The following NRDC variants were observed in gnomAD, a reference collection of about 807,000 sequenced individuals.
NRDC encodes nardilysin convertase.
NRDC carries 54 observed loss-of-function variants against 147.1 expected under a neutral mutation model. The observed-to-expected ratio is 0.37, with a 90% confidence interval of 0.29 to 0.46. The LOEUF is 0.46. Ranked by LOEUF, NRDC falls within the 20% of genes least tolerant of loss-of-function variation. The probability of loss-of-function intolerance (pLI) is 1.00; values close to 1 mark genes in which losing one functional copy is unlikely to be tolerated. For synonymous variants in NRDC, 440 were observed against 482.1 expected (o/e 0.91, Z 1.14); for missense variants, 1,082 against 1,370.6 (o/e 0.79, Z 3.33).
intron 1 of NRDC, among the ~76,000 whole-genome samples, chr1:51,866,358 ATC>A (rs1486769581): frequency 6.6e-6 from 1 of 152,236 alleles, no homozygotes; most frequent in Non-Finnish European, 1.5e-5. Flanking sequence ...TAATGGCAAT[ATC>A]TAGTGAGGTT....
chr1:51,847,246 C>A (rs1041830942), intron 1 of NRDC, among the ~76,000 whole-genome samples: 5 of 152,194 alleles, frequency 3.3e-5, no homozygotes, highest in Non-Finnish European at 5.9e-5. Flanking sequence ...ACTGGTGTAT[C>A]CACAATCCCC....
At chr1:51,866,253 T>A (rs1278359825) in intron 1 of NRDC, among the ~76,000 whole-genome samples, 1 of 151,958 alleles carries the variant, frequency 6.6e-6, no homozygotes, top group Non-Finnish European at 1.5e-5. Flanking sequence ...ACTAACAGTA[T>A]CAATAACTGC....
At chr1:51,872,889 G>GA (rs537625393) in intron 1 of NRDC, among the ~76,000 whole-genome samples, 176 of 150,410 alleles carry the variant, frequency 1.2e-3, no homozygotes, top group African/African-American at 4.3e-3. Context: ...CAAGACAAGT[G>GA]AGAGTGCAAA....
chr1:51,805,535 G>A lies in NRDC; in HGVS notation c.2137C>T (p.Pro713Ser). Residue 713 changes from proline to serine, a missense_variant, in exon 19 of 31, where the codon CCG (proline) becomes TCG (serine). Pro to Ser is a moderately conservative substitution (Grantham distance 74). Coordinates refer to ENST00000352171, the MANE Select transcript of NRDC (RefSeq NM_001101662.2). Reference protein sequence around the residue: ...KAYIRFHLISPLIQKSAANVV... With the variant: ...KAYIRFHLISSLIQKSAANVV... Reference sequence around the variant, plus strand: ...TTTGCTGCAGATTTCTGTATCAACGGTGAAATTAGATGGAAACGTATATAT... The same window carrying A: ...TTTGCTGCAGATTTCTGTATCAACGATGAAATTAGATGGAAACGTATATAT... The A allele has an allele frequency of 2.5e-6, 4 of 1,586,392 alleles. No individual in the cohort carries two copies. Among genetic ancestry groups the A allele is most frequent in the South Asian group, 1.2e-5 (1 of 84,470 alleles).
chr1:51,827,422 C>A lies in NRDC; in HGVS notation c.940+374G>T, dbSNP rs149145741. On this transcript the variant is annotated intron_variant, in intron 5 of 30. Transcript: ENST00000352171. Reference sequence around the variant, plus strand: ...AAATAAATCAAGCAGGGATAATATACAATGGTGATATTTATTGGTACTATG... The same window carrying A: ...AAATAAATCAAGCAGGGATAATATAAAATGGTGATATTTATTGGTACTATG... 4.4e-3 allele frequency among the ~76,000 whole-genome samples: 664 copies of A among 152,196 alleles called. 26 individuals carry two copies. In the South Asian group the frequency reaches 0.087, roughly 20 times the overall value.
chr1:51,850,819 G>A (rs1056375604), intron 1 of NRDC, among the ~76,000 whole-genome samples: 2 of 152,140 alleles, frequency 1.3e-5, no homozygotes, highest in Non-Finnish European at 2.9e-5. Flanking sequence ...TCATAGGGGA[G>A]GTCAGAATTT....
At chr1:51,846,109 CTT>C in intron 1 of NRDC, among the ~76,000 whole-genome samples, 1 of 150,308 alleles carries the variant, frequency 6.7e-6, no homozygotes, top group African/African-American at 2.5e-5. Flanking sequence ...ATATTTTACA[CTT>C]TATAATTTTT....
At chr1:51,829,895 T>C (rs1680623987) in intron 4 of NRDC, among the ~76,000 whole-genome samples, 1 of 152,104 alleles carries the variant, frequency 6.6e-6, no homozygotes, top group Non-Finnish European at 1.5e-5. Flanking sequence ...CTTTTCATTT[T>C]ACAAATTTCC....
intron 1 of NRDC, among the ~76,000 whole-genome samples, chr1:51,857,667 A>C (rs1377862076): frequency 6.6e-6 from 1 of 152,216 alleles, no homozygotes; most frequent in Non-Finnish European, 1.5e-5. Context: ...TTTGGAAGTC[A>C]CAACAGAAAC....
chr1:51,810,045 A>G (rs1679642597), intron 16 of NRDC, among the ~76,000 whole-genome samples: 1 of 152,364 alleles, frequency 6.6e-6, no homozygotes, highest in African/African-American at 2.4e-5. Flanking sequence ...TTCTAAAACT[A>G]AGTCAAAACT....
chr1:51,807,184 T>C (rs1679507404), intron 17 of NRDC, among the ~76,000 whole-genome samples: 1 of 152,220 alleles, frequency 6.6e-6, no homozygotes, highest in South Asian at 2.1e-4. Flanking sequence ...CAATTTTAAC[T>C]GAGAGAGGAG....
At chr1:51,839,159 T>C (rs954970687) in intron 2 of NRDC, among the ~76,000 whole-genome samples, 2 of 116,772 alleles carry the variant, frequency 1.7e-5, no homozygotes, top group East Asian at 1.1e-3. Flanking sequence ...TTTTTCTTTT[T>C]CTTTTTTTTT....
At chr1:51,800,832 G>C in intron 20 of NRDC, 149 bp from the exon 21 acceptor site, 1 of 728,310 alleles carries the variant, frequency 1.4e-6, no homozygotes. Flanking sequence ...AACTCAATTT[G>C]TTCGTTTGTT....
chr1:51,854,341 C>T (rs574300252), intron 1 of NRDC, among the ~76,000 whole-genome samples: 1 of 152,270 alleles, frequency 6.6e-6, no homozygotes, highest in African/African-American at 2.4e-5. Context: ...GCACTCCAGC[C>T]TGGGCGACAG....
rs1683328466 is a variant in NRDC at position 51,876,393 on chromosome 1, CA to C, written c.341+1881del. Among the ~76,000 whole-genome samples, 3 of 152,118 alleles carry C rather than the reference CA, an allele frequency of 2.0e-5. No individual in the cohort carries two copies. The South Asian group carries it at 6.2e-4, about 32-fold the overall frequency. On this transcript the variant is annotated intron_variant, in intron 1 of 30. Coordinates refer to ENST00000352171, the MANE Select transcript of NRDC (RefSeq NM_001101662.2). ...TTGGGGATGGGATGCAGTATAAATACAAAATTCATTTATGGTTCATATATAC... is the reference window on the plus strand; with the variant it reads ...TTGGGGATGGGATGCAGTATAAATACAAATTCATTTATGGTTCATATATAC...
intron 1 of NRDC, among the ~76,000 whole-genome samples, chr1:51,851,119 A>T (rs752311464): frequency 2.6e-4 from 40 of 152,256 alleles, no homozygotes; most frequent in Non-Finnish European, 2.1e-4. Flanking sequence ...GCAATCAGAC[A>T]CCGTTGGCCT....
Position 51,878,681 on chromosome 1 carries a change from C to T in NRDC, c.-66G>A. On this transcript the variant is annotated 5_prime_UTR_variant, in exon 1 of 31. Coordinates refer to ENST00000352171, the MANE Select transcript of NRDC (RefSeq NM_001101662.2). ...ACCCACCTCCTCCGCGTTCTAGAGG[C>T]GGTGGCGGCCGGCCCTGGTGCTGCC... 7.1e-7 allele frequency: 1 copy of T among 1,411,950 alleles called. No homozygotes were observed. Among genetic ancestry groups the T allele is most frequent in the African/African-American group, 1.4e-5 (1 of 70,980 alleles). The allele number at this position is 1,411,950 out of a possible 1,614,324, so 87.5% of individuals were successfully genotyped here. A position where few individuals can be genotyped will look rare whatever the true frequency, so the allele number is the denominator to read the frequency against.
chr1:51,870,441 C>G (rs141707944), intron 1 of NRDC, among the ~76,000 whole-genome samples: 168 of 152,232 alleles, frequency 1.1e-3, no homozygotes, highest in African/African-American at 4.0e-3. Context: ...CTCAAGAACC[C>G]ACAAATTTTC....
At chr1:51,831,298 T>C (rs1281207084) in intron 4 of NRDC, among the ~76,000 whole-genome samples, 22 of 152,220 alleles carry the variant, frequency 1.4e-4, no homozygotes. Context: ...CTATCCTTTT[T>C]CCCAATAAAA....
Sources: gnomAD v4.1 joint callset for allele counts (sites outside exome capture counted in the v4.1 genomes callset) on GRCh38, gnomAD v4.1.1 for gene constraint, MANE v1.5 for transcripts, NCBI Gene and HGNC (gene_info 2026-07-23, HGNC 2026-07-21) for gene names.